HS3ST5: variants seen among roughly 807,000 people sequenced by gnomAD.
HS3ST5 encodes heparan sulfate glucosamine 3-O-sulfotransferase 5.
Under a neutral mutation model 25.4 loss-of-function variants are expected in HS3ST5, and 10 were observed. The ratio of observed to expected loss-of-function variants is 0.39; its 90% CI spans 0.24 to 0.67. The LOEUF (loss-of-function observed/expected upper bound fraction) is 0.67. Among genes scored for constraint, HS3ST5 ranks in the 30% least tolerant of loss-of-function variants. The pLI, the probability that HS3ST5 is intolerant of heterozygous loss-of-function variation, is 0.44. For missense variants in HS3ST5, 324 were observed against 420.7 expected (o/e 0.77, Z 2.01); for synonymous variants, 170 against 162.4 (o/e 1.05, Z -0.36).
At chr6:114,340,040 C>T (rs1216429126) in intron 1 of HS3ST5, among the ~76,000 whole-genome samples, 1 of 152,086 alleles carries the variant, frequency 6.6e-6, no homozygotes, top group Non-Finnish European at 1.5e-5. Context: ...TTCATGTGCT[C>T]AATAAATACT....
At chr6:114,169,405 A>T (rs1469378602) in intron 2 of HS3ST5, among the ~76,000 whole-genome samples, 2 of 152,192 alleles carry the variant, frequency 1.3e-5, no homozygotes. Flanking sequence ...TCTGATTAAC[A>T]TACTTTCATA....
At chr6:114,339,107 T>C (rs528767097) in intron 1 of HS3ST5, among the ~76,000 whole-genome samples, 31 of 152,182 alleles carry the variant, frequency 2.0e-4, no homozygotes, top group African/African-American at 7.0e-4. Context: ...AATATGAAAA[T>C]ATTGGGATAA....
At chr6:114,188,193 G>T (rs558752554) in intron 2 of HS3ST5, among the ~76,000 whole-genome samples, 2 of 152,234 alleles carry the variant, frequency 1.3e-5, no homozygotes, top group Admixed American at 6.5e-5. Flanking sequence ...AGAAGCTGAA[G>T]GCTCAGATGG....
intron 3 of HS3ST5, among the ~76,000 whole-genome samples, chr6:114,073,657 G>A (rs1164089797): frequency 6.6e-6 from 1 of 152,228 alleles, no homozygotes; most frequent in Non-Finnish European, 1.5e-5. Flanking sequence ...TGGAGAGGAT[G>A]TGGAGAAATA....
chr6:114,065,122 G>A (rs1302424314), intron 3 of HS3ST5, among the ~76,000 whole-genome samples: 2 of 152,226 alleles, frequency 1.3e-5, no homozygotes, highest in Non-Finnish European at 2.9e-5. Flanking sequence ...GAGGCTTACT[G>A]TGTAGCAAGG....
chr6:114,208,543 C>G (rs1447127375), intron 2 of HS3ST5, among the ~76,000 whole-genome samples: 1 of 152,132 alleles, frequency 6.6e-6, no homozygotes, highest in Non-Finnish European at 1.5e-5. Flanking sequence ...AATCATATTG[C>G]TTATGAGAAC....
intron 3 of HS3ST5, among the ~76,000 whole-genome samples, chr6:114,116,944 G>A (rs1776559502): frequency 6.6e-6 from 1 of 151,940 alleles, no homozygotes; most frequent in Non-Finnish European, 1.5e-5. Context: ...GGTAGTAACT[G>A]AATAATGAAT....
intron 2 of HS3ST5, among the ~76,000 whole-genome samples, chr6:114,224,675 C>CAT (rs755195782): frequency 4.4e-4 from 63 of 142,044 alleles, no homozygotes; most frequent in South Asian, 3.4e-3. Flanking sequence ...TTATTTTATA[C>CAT]ATATATATAT....
chr6:114,205,806 A>G (rs904094910), intron 2 of HS3ST5, among the ~76,000 whole-genome samples: 1 of 152,144 alleles, frequency 6.6e-6, no homozygotes, highest in African/African-American at 2.4e-5. Context: ...GGCAACTTAG[A>G]TCCCTCACAC....
At chr6:114,145,219 A>G (rs1458831716) in intron 3 of HS3ST5, among the ~76,000 whole-genome samples, 1 of 152,208 alleles carries the variant, frequency 6.6e-6, no homozygotes, top group East Asian at 1.9e-4. Context: ...CTGATAGCAC[A>G]TTCCAGTCCT....
chr6:114,168,024 A>G (rs528238630), intron 3 of HS3ST5, among the ~76,000 whole-genome samples: 24 of 152,284 alleles, frequency 1.6e-4, no homozygotes, highest in Middle Eastern at 3.4e-3. Context: ...CAGTTTCATG[A>G]TAACTTCAGC....
chr6:114,300,369 G>A (rs1356964987), intron 1 of HS3ST5, among the ~76,000 whole-genome samples: 2 of 152,072 alleles, frequency 1.3e-5, no homozygotes, highest in African/African-American at 2.4e-5. Flanking sequence ...CTCCAAAGAA[G>A]ATATTCAAAT....
chr6:114,127,799 A>G (rs1176236838), intron 3 of HS3ST5, among the ~76,000 whole-genome samples: 1 of 151,942 alleles, frequency 6.6e-6, no homozygotes, highest in Non-Finnish European at 1.5e-5. Flanking sequence ...TGAATCTTGA[A>G]TACATTATGC....
At chr6:114,320,846 G>A (rs1051100974) in intron 1 of HS3ST5, among the ~76,000 whole-genome samples, 1 of 150,524 alleles carries the variant, frequency 6.6e-6, no homozygotes, top group Non-Finnish European at 1.5e-5. Context: ...TTTCTCTTTT[G>A]TTCACTCCAG....
chr6:114,323,910 A>G (rs1776069333), intron 1 of HS3ST5, among the ~76,000 whole-genome samples: 1 of 152,098 alleles, frequency 6.6e-6, no homozygotes, highest in African/African-American at 2.4e-5. Flanking sequence ...GTTTTAAAGG[A>G]ACACTGAGTC....
At chr6:114,328,605 C>A (rs984332724) in intron 1 of HS3ST5, among the ~76,000 whole-genome samples, 2 of 152,206 alleles carry the variant, frequency 1.3e-5, no homozygotes, top group Non-Finnish European at 2.9e-5. Flanking sequence ...GCTGGGTGTG[C>A]TTTTAAATAA....
chr6:114,172,016 T>C (rs1026737621), intron 2 of HS3ST5, among the ~76,000 whole-genome samples: 2 of 152,206 alleles, frequency 1.3e-5, no homozygotes, highest in Non-Finnish European at 2.9e-5. Context: ...ACCTCTATGG[T>C]TGGGGAGATT....
At chr6:114,258,871 A>T (rs541025222) in intron 1 of HS3ST5, among the ~76,000 whole-genome samples, 46 of 152,312 alleles carry the variant, frequency 3.0e-4, no homozygotes, top group Admixed American at 7.2e-4. Flanking sequence ...ATTTGAAATT[A>T]TAGAGACAAT....
intron 2 of HS3ST5, among the ~76,000 whole-genome samples, chr6:114,170,564 TA>T (rs761353573): frequency 6.6e-6 from 1 of 152,148 alleles, no homozygotes; most frequent in Non-Finnish European, 1.5e-5. Context: ...AAATAGTAAA[TA>T]CTGTTTCGGA....
Sources: allele counts gnomAD v4.1 joint callset (sites outside exome capture counted in the v4.1 genomes callset), GRCh38; gene constraint gnomAD v4.1.1; transcripts MANE v1.5; gene names NCBI Gene and HGNC (gene_info 2026-07-23, HGNC 2026-07-21).